Variants in CCDC30 observed in about 807,000 individuals in gnomAD.
CCDC30 encodes coiled-coil domain containing 30, also known as coiled-coil domain-containing protein 30.
CCDC30 carries 70 observed loss-of-function variants against 100.2 expected under a neutral mutation model. That is an observed-to-expected ratio of 0.70 (90% CI 0.58 to 0.85). The LOEUF (loss-of-function observed/expected upper bound fraction) is 0.85. CCDC30 is among the 40% of genes least tolerant of loss of function. The pLI, the probability that CCDC30 is intolerant of heterozygous loss-of-function variation, is 0.00. For synonymous variants in CCDC30, 233 were observed against 269.5 expected, an observed-to-expected ratio of 0.86 and a Z score of 1.33; for missense variants, 652 against 771.2, an observed-to-expected ratio of 0.85 and a Z score of 1.83.
At chr1:42,557,544 T>G (rs1395850121) in intron 6 of CCDC30, among the ~76,000 whole-genome samples, 2 of 150,594 alleles carry the variant, frequency 1.3e-5, no homozygotes, top group African/African-American at 4.9e-5. Context: ...GAACTTGCCA[T>G]TGGGACCAGT....
intron 11 of CCDC30, among the ~76,000 whole-genome samples, chr1:42,628,286 C>T (rs550104908): frequency 6.6e-6 from 1 of 152,116 alleles, no homozygotes; most frequent in Non-Finnish European, 1.5e-5. Flanking sequence ...ACCTGTACCC[C>T]CATTGTATCT....
intron 1 of CCDC30, among the ~76,000 whole-genome samples, chr1:42,467,560 A>G (rs1243229914): frequency 2.6e-5 from 4 of 152,212 alleles, no homozygotes; most frequent in Non-Finnish European, 5.9e-5. Context: ...GAGGAGGGAA[A>G]GATGAATGGG....
At chr1:42,554,248 T>C (rs1314099422) in intron 6 of CCDC30, among the ~76,000 whole-genome samples, 2 of 151,870 alleles carry the variant, frequency 1.3e-5, no homozygotes, top group Admixed American at 6.6e-5. Flanking sequence ...ATGCAATTAT[T>C]CAAAGATTAT....
chr1:42,656,013 T>G (rs1648647020), downstream of CCDC30, among the ~76,000 whole-genome samples: 1 of 151,762 alleles, frequency 6.6e-6, no homozygotes, highest in South Asian at 2.1e-4. Flanking sequence ...TACAGGCATG[T>G]GCTACCATGC....
chr1:42,546,217 C>G (rs1252566150), intron 6 of CCDC30, among the ~76,000 whole-genome samples: 3 of 150,004 alleles, frequency 2.0e-5, no homozygotes, highest in Non-Finnish European at 3.0e-5. Flanking sequence ...GAAACCCCAT[C>G]TCTACTAAAA....
At position 42,616,311 on chromosome 1, in the gene CCDC30, A is replaced by G. The variant is rs147876259; in HGVS notation, c.1277+5221A>G. Among the ~76,000 whole-genome samples the G allele has an allele frequency of 3.9e-3, 596 of 152,286 alleles. 9 individuals are homozygous for G. Among genetic ancestry groups the G allele is most frequent in the African/African-American group, 0.013 (540 of 41,550 alleles). ...GTGGTGGATTCTGACCCCGCTGCACATGCCTGGGCTCCAACATAGAAGAAT... is the reference window on the plus strand; with the variant it reads ...GTGGTGGATTCTGACCCCGCTGCACGTGCCTGGGCTCCAACATAGAAGAAT... On this transcript the variant is annotated intron_variant, in intron 11 of 16. Transcript: ENST00000668663.
At chr1:42,491,931 CGT>C (rs1644150053) in intron 4 of CCDC30, 1 of 730,838 alleles carries the variant, frequency 1.4e-6, no homozygotes, top group South Asian at 2.3e-5. Flanking sequence ...CCTCAAGCGT[CGT>C]GTGTTTGAAG....
At chr1:42,627,604 G>A (rs1333159466) in intron 11 of CCDC30, among the ~76,000 whole-genome samples, 1 of 152,100 alleles carries the variant, frequency 6.6e-6, no homozygotes, top group Non-Finnish European at 1.5e-5. Context: ...CCGGTCCCAG[G>A]GTCCCCATAC....
At chr1:42,456,216 A>G in the CCDC30 span, 8 of 585,128 alleles carry the variant, frequency 1.4e-5, no homozygotes, top group Admixed American at 2.8e-5. Context: ...CACGGGTCAA[A>G]TGGCCGAGAA....
intron 9 of CCDC30, among the ~76,000 whole-genome samples, chr1:42,584,910 C>G (rs1646039390): frequency 6.6e-6 from 1 of 152,136 alleles, no homozygotes; most frequent in South Asian, 2.1e-4. Flanking sequence ...CAAAAAATTA[C>G]TTAGGAAGTG....
At chr1:42,546,399 A>ATATATAT (rs1404484081) in intron 6 of CCDC30, among the ~76,000 whole-genome samples, 1 of 11,986 alleles carries the variant, frequency 8.3e-5, no homozygotes, top group African/African-American at 2.0e-4. Context: ...AAAAAAAAAA[A>ATATATAT]ATATATATAT....
chr1:42,536,550 G>C, intron 6 of CCDC30: 1 of 1,613,638 alleles, frequency 6.2e-7, no homozygotes, highest in Non-Finnish European at 8.5e-7. Context: ...GAGAGAAGCA[G>C]TTGGCATCTG....
chr1:42,460,592 TTTAAC>T (rs1305864724), upstream of CCDC30, among the ~76,000 whole-genome samples: 1 of 152,228 alleles, frequency 6.6e-6, no homozygotes, highest in African/African-American at 2.4e-5. Context: ...TGCTTTTCAG[TTTAAC>T]TTAATATGTC....
intron 9 of CCDC30, among the ~76,000 whole-genome samples, chr1:42,584,364 G>A (rs1474479176): frequency 6.6e-6 from 1 of 152,196 alleles, no homozygotes; most frequent in Non-Finnish European, 1.5e-5. Flanking sequence ...GCTGAGGCAG[G>A]CAGATCACTT....
chr1:42,503,474 A>C (rs1046149347), intron 6 of CCDC30, among the ~76,000 whole-genome samples: 1 of 152,174 alleles, frequency 6.6e-6, no homozygotes, highest in African/African-American at 2.4e-5. Context: ...TTTACATAGC[A>C]TGTGGGGAAG....
chr1:42,631,182 C>A (rs770938003), intron 11 of CCDC30, among the ~76,000 whole-genome samples: 1 of 152,180 alleles, frequency 6.6e-6, no homozygotes, highest in Non-Finnish European at 1.5e-5. Context: ...GGAGACTCCC[C>A]AAGCCCAGTA....
chr1:42,500,381 G>C (rs1569824678), intron 6 of CCDC30: 2 of 1,361,226 alleles, frequency 1.5e-6, no homozygotes, highest in South Asian at 2.3e-5. Context: ...GAGAACGAGC[G>C]AAGTCTGGTC....
chr1:42,507,040 C>T (rs949759030), intron 6 of CCDC30, among the ~76,000 whole-genome samples: 1 of 152,140 alleles, frequency 6.6e-6, no homozygotes, highest in Non-Finnish European at 1.5e-5. Context: ...GATTCTCCTG[C>T]CTCAGCCTCC....
At chr1:42,642,107 TC>T (rs1647483824) in intron 12 of CCDC30, among the ~76,000 whole-genome samples, 2 of 152,068 alleles carry the variant, frequency 1.3e-5, no homozygotes, top group Admixed American at 1.3e-4. Flanking sequence ...GCACCTGTAG[TC>T]CCAGCTACTT....
Sources: gnomAD v4.1 joint callset for allele counts (sites outside exome capture counted in the v4.1 genomes callset) on GRCh38, gnomAD v4.1.1 for gene constraint, MANE v1.5 for transcripts, NCBI Gene and HGNC (gene_info 2026-07-23, HGNC 2026-07-21) for gene names.